ARHGEF7: variants seen among roughly 807,000 people sequenced by gnomAD.
The protein encoded by ARHGEF7 is PAK-interacting exchange factor beta.
A neutral mutation model predicts 109.8 loss-of-function variants in ARHGEF7; 33 were observed. The ratio of observed to expected loss-of-function variants is 0.30; its 90% confidence interval spans 0.23 to 0.40. The LOEUF is 0.40. Among genes scored for constraint, ARHGEF7 ranks in the 10% least tolerant of loss-of-function variants. The pLI, the probability that ARHGEF7 is intolerant of heterozygous loss-of-function variation, is 1.00. For synonymous variants in ARHGEF7, 458 were observed against 424.6 expected, an observed-to-expected ratio of 1.08 and a Z score of -0.97; for missense variants, 938 against 1,098.5, an observed-to-expected ratio of 0.85 and a Z score of 2.07.
chr13:111,293,160 A>G (rs2093341511), intron 19 of ARHGEF7: 1 of 985,416 alleles, frequency 1.0e-6, no homozygotes, highest in Non-Finnish European at 1.2e-6. Flanking sequence ...AAGCTGAAGC[A>G]TTCAGCCTCT....
chr13:111,123,867 C>CT (rs1292655815), intron 1 of ARHGEF7, among the ~76,000 whole-genome samples: 15 of 142,756 alleles, frequency 1.1e-4, no homozygotes, highest in African/African-American at 3.8e-4. Flanking sequence ...GCTGCGCCCC[C>CT]CCCCCCCGGC....
At chr13:111,186,586 A>G (rs1660977818) in intron 2 of ARHGEF7, among the ~76,000 whole-genome samples, 1 of 152,250 alleles carries the variant, frequency 6.6e-6, no homozygotes, top group South Asian at 2.1e-4. Context: ...AAACTTAAAT[A>G]GCACCACTTA....
chr13:111,241,134 G>A (rs1312536742), intron 6 of ARHGEF7: 5 of 1,526,486 alleles, frequency 3.3e-6, no homozygotes, highest in African/African-American at 1.4e-5. Flanking sequence ...CGTGACCCCC[G>A]GGAAGCTGGC....
chr13:111,193,760 C>G (rs145730512), intron 2 of ARHGEF7, among the ~76,000 whole-genome samples: 90 of 152,312 alleles, frequency 5.9e-4, no homozygotes, highest in African/African-American at 2.1e-3. Flanking sequence ...AATGAACTTC[C>G]ATTGGTATAC....
intron 6 of ARHGEF7, among the ~76,000 whole-genome samples, chr13:111,242,969 C>T (rs2088062207): frequency 6.6e-6 from 1 of 152,198 alleles, no homozygotes; most frequent in Non-Finnish European, 1.5e-5. Flanking sequence ...TTATATTTAT[C>T]TGTCAGTTTT....
At chr13:111,178,284 A>C (rs2078367477) in intron 2 of ARHGEF7, among the ~76,000 whole-genome samples, 1 of 152,228 alleles carries the variant, frequency 6.6e-6, no homozygotes, top group African/African-American at 2.4e-5. Flanking sequence ...GTGAGTAATT[A>C]CAAAAACACA....
At chr13:111,130,443 C>T (rs774077547) in intron 1 of ARHGEF7, among the ~76,000 whole-genome samples, 1 of 152,188 alleles carries the variant, frequency 6.6e-6, no homozygotes, top group Non-Finnish European at 1.5e-5. Flanking sequence ...TTGCTGTCCC[C>T]TACTTTTGAA....
In ARHGEF7 at chr13:111,301,628, C is replaced by T; in HGVS notation, c.2466+96C>T. The T allele has an allele frequency of 4.9e-6, 5 of 1,025,356 alleles. No individual in the cohort carries two copies. In the South Asian group the frequency reaches 7.3e-5, roughly 15 times the overall value. 63.5% of individuals were successfully genotyped at this position (1,025,356 alleles called of 1,614,324 possible). A position where few individuals can be genotyped will look rare whatever the true frequency, so the allele number is the denominator to read the frequency against. ...AATAAGCTGGCTGGGTACGGTGGCT[C>T]ACACCTATAATCCCAGCACTTTAGA... On this transcript the variant is annotated intron_variant, in intron 21 of 21. Transcript: ENST00000646102.
chr13:111,219,424 C>T (rs888436268), intron 5 of ARHGEF7, among the ~76,000 whole-genome samples: 6 of 152,172 alleles, frequency 3.9e-5, no homozygotes, highest in African/African-American at 1.4e-4. Flanking sequence ...CACCTCTTGG[C>T]TATGTGAATA....
chr13:111,176,900 G>C (rs941167433), intron 2 of ARHGEF7, among the ~76,000 whole-genome samples: 3 of 152,162 alleles, frequency 2.0e-5, no homozygotes, highest in Non-Finnish European at 4.4e-5. Context: ...GGGACTACAG[G>C]CGTGTACCAC....
At chr13:111,293,619 G>A (rs780317016) in intron 19 of ARHGEF7, 49 of 985,140 alleles carry the variant, frequency 5.0e-5, no homozygotes, top group Non-Finnish European at 5.8e-5. Flanking sequence ...TCCCATGCAC[G>A]CTCTATTTGG....
chr13:111,266,430 G>A lies in ARHGEF7; in HGVS notation c.951-1118G>A, dbSNP rs774008737. The stretch of plus-strand genomic sequence containing the variant: ...TGCCTTGCACTCTTTCTGTTTAGTC[G>A]TGTGATGATTTCTTTGATTGACTTC... On this transcript the variant is annotated intron_variant, in intron 8 of 21. Transcript: ENST00000646102. This position sits in a 1 kb window ranked among gnomAD's most constrained non-coding sequence, Gnocchi z 4.8. Among the ~76,000 whole-genome samples the A allele has an allele frequency of 4.0e-4, 61 of 152,232 alleles. No individual in the cohort carries two copies. The highest frequency in any genetic ancestry group is 7.1e-4 in the Non-Finnish European group (48 of 68,002).
chr13:111,279,016 A>T (rs1442370169), intron 13 of ARHGEF7, among the ~76,000 whole-genome samples: 1 of 152,240 alleles, frequency 6.6e-6, no homozygotes, highest in Non-Finnish European at 1.5e-5. Context: ...TTCTACCATT[A>T]GAACACTGGC....
At chr13:111,180,629 A>G (rs2078643183) in intron 2 of ARHGEF7, among the ~76,000 whole-genome samples, 1 of 152,228 alleles carries the variant, frequency 6.6e-6, no homozygotes, top group African/African-American at 2.4e-5. Context: ...AGGTTAAGGA[A>G]GATGCCCAGT....
chr13:111,206,499 C>A (rs1037553718), intron 3 of ARHGEF7, among the ~76,000 whole-genome samples: 1 of 152,268 alleles, frequency 6.6e-6, no homozygotes, highest in East Asian at 1.9e-4. Flanking sequence ...TGCGTGTTCA[C>A]AGCTTGACTT....
At chr13:111,219,972 G>A (rs2083617835) in intron 5 of ARHGEF7, among the ~76,000 whole-genome samples, 3 of 152,170 alleles carry the variant, frequency 2.0e-5, no homozygotes, top group Admixed American at 1.3e-4. Context: ...ATGCTGAGGC[G>A]TGGAAATGTC....
chr13:111,300,932 G>T (rs2093551597), intron 20 of ARHGEF7, 85 bp downstream of exon 20: 6 of 789,996 alleles, frequency 7.6e-6, no homozygotes, highest in Non-Finnish European at 1.2e-5. Flanking sequence ...GAGGGCGGGG[G>T]TATGGCTTCA....
chr13:111,154,055 T>G, intron 2 of ARHGEF7, 64 bp downstream of exon 2: 2 of 1,472,356 alleles, frequency 1.4e-6, no homozygotes, highest in Non-Finnish European at 1.8e-6. Flanking sequence ...CCGGGGTGGG[T>G]GCTTCGCTCC....
At chr13:111,170,585 C>A (rs1389887589) in intron 2 of ARHGEF7, among the ~76,000 whole-genome samples, 1 of 152,220 alleles carries the variant, frequency 6.6e-6, no homozygotes, top group Non-Finnish European at 1.5e-5. Context: ...AGCCTTCCTG[C>A]CTTTACTGAA....
Sources: allele counts gnomAD v4.1 joint callset (sites outside exome capture counted in the v4.1 genomes callset), GRCh38; gene constraint gnomAD v4.1.1; non-coding constraint Gnocchi (gnomAD v3.1); transcripts MANE v1.5; gene names NCBI Gene and HGNC (gene_info 2026-07-23, HGNC 2026-07-21).